Variants in RTTN observed in about 807,000 individuals in gnomAD.
RTTN encodes the protein rotatin.
In RTTN, 182 loss-of-function variants were observed where a neutral mutation model predicts 269.2. That is an observed-to-expected ratio of 0.68 (90% CI 0.60 to 0.76). The LOEUF is 0.76. RTTN is among the 30% of genes least tolerant of loss of function. The pLI is 0.00. For missense variants in RTTN, 2,545 were observed against 2,608.6 expected (o/e 0.98, Z 0.53); for synonymous variants, 1,006 against 963.5 (o/e 1.04, Z -0.82).
chr18:70,159,602 GA>G (rs1760302121), intron 14 of RTTN, among the ~76,000 whole-genome samples: 1 of 152,034 alleles, frequency 6.6e-6, no homozygotes, highest in South Asian at 2.1e-4. Flanking sequence ...GAATGAAACT[GA>G]GACACAAAAA....
At chr18:70,023,499 A>C (rs951369640) in intron 44 of RTTN, among the ~76,000 whole-genome samples, 5 of 152,148 alleles carry the variant, frequency 3.3e-5, no homozygotes, top group Non-Finnish European at 1.5e-5. Context: ...TCTCACTTCA[A>C]GTCTGCTTCT....
chr18:70,079,294 C>T (rs2058504414), intron 32 of RTTN, among the ~76,000 whole-genome samples: 1 of 151,916 alleles, frequency 6.6e-6, no homozygotes, highest in African/African-American at 2.4e-5. Flanking sequence ...AAAAGAAAAC[C>T]GAGTAATCTG....
chr18:70,181,381 T>A lies in RTTN; in HGVS notation c.1306-4536A>T, dbSNP rs574734206. On this transcript the variant is annotated intron_variant, in intron 10 of 48. Coordinates refer to ENST00000640769, the MANE Select transcript of RTTN (RefSeq NM_173630.4). ...CTTGCATCTTGAACCTGACTTAGCA[T>A]GTAAATAGGGAAAAAATAGACCTGA... 3.3e-5 allele frequency among the ~76,000 whole-genome samples: 5 copies of A among 152,306 alleles called. 1 individual carries two copies. In the South Asian group the frequency reaches 1.0e-3, roughly 32 times the overall value.
At chr18:70,188,022 C>T (rs2146074135) in intron 10 of RTTN, 86 bp downstream of exon 10, 3 of 740,364 alleles carry the variant, frequency 4.1e-6, no homozygotes, top group South Asian at 3.3e-5. Flanking sequence ...ATTTTGAACA[C>T]GAATGAGACA....
chr18:70,114,318 ATTATTAT>A lies in RTTN; in HGVS notation c.3683+120_3683+126del, dbSNP rs1010852661. 1.9e-5 allele frequency: 17 copies of A among 904,230 alleles called. No individual in the cohort carries two copies. In the African/African-American group the frequency reaches 2.7e-4, roughly 14 times the overall value. The allele number at this position is 904,230 out of a possible 1,614,324, so 56.0% of individuals were successfully genotyped here. ...AAAAACAAACAGAACACTATAACTGATTATTATTTAAGTATTTGAAAGAAGTATTTCT... is the reference window on the plus strand; with the variant it reads ...AAAAACAAACAGAACACTATAACTGATTAAGTATTTGAAAGAAGTATTTCT... On this transcript the variant is annotated intron_variant, in intron 27 of 48. Coordinates refer to ENST00000640769, the MANE Select transcript of RTTN (RefSeq NM_173630.4).
At chr18:70,051,326 A>C in intron 39 of RTTN, 85 bp downstream of exon 39, 2 of 1,418,296 alleles carry the variant, frequency 1.4e-6, no homozygotes, top group Non-Finnish European at 1.9e-6. Flanking sequence ...ACTTAACTTT[A>C]GTGAATTTAC....
At position 70,139,640 on chromosome 18, in the gene RTTN, G is replaced by GA. The variant is rs1352659695; in HGVS notation, c.2746dup (p.Ser916PhefsTer21). On this transcript the variant is annotated frameshift_variant, in exon 21 of 49. Transcript: ENST00000640769. LOFTEE classifies it high-confidence loss of function. ...CAAAAGAGAAGACTGTTGCGAGAGCGAAACACGCATGACTGGATCACCACA... is the reference window on the plus strand; with the variant it reads ...CAAAAGAGAAGACTGTTGCGAGAGCGAAAACACGCATGACTGGATCACCACA... The GA allele has an allele frequency of 6.2e-7, 1 of 1,613,026 alleles. No homozygotes were observed. The highest frequency in any genetic ancestry group is 1.3e-5 in the African/African-American group (1 of 74,886).
chr18:70,171,358 AG>A lies in RTTN; in HGVS notation c.1477-2292del, dbSNP rs202090519. On this transcript the variant is annotated intron_variant, in intron 11 of 48. Transcript: ENST00000640769. Reference sequence around the variant, plus strand: ...GTTTAAGAGAGTTCTCTCTGACTCTAGTCAGAAAAATAACAGCTGCTGTGAG... The same window carrying A: ...GTTTAAGAGAGTTCTCTCTGACTCTATCAGAAAAATAACAGCTGCTGTGAG... Among the ~76,000 whole-genome samples, 13 of 152,364 alleles carry A rather than the reference AG, an allele frequency of 8.5e-5. No individual in the cohort carries two copies. The East Asian group carries it at 2.3e-3, about 27-fold the overall frequency.
intron 25 of RTTN, 21 bp from the exon 26 acceptor site, chr18:70,121,721 T>C (rs2059743418): frequency 2.6e-6 from 4 of 1,520,666 alleles, no homozygotes; most frequent in Non-Finnish European, 1.8e-6. Flanking sequence ...AAGACAATAA[T>C]CATGGTTTCT....
chr18:70,034,591 C>T (rs985123527), intron 40 of RTTN, among the ~76,000 whole-genome samples: 8 of 152,214 alleles, frequency 5.3e-5, no homozygotes, highest in African/African-American at 1.9e-4. Flanking sequence ...CTACATCATA[C>T]TGAATGGGCA....
At chr18:70,133,986 C>A (rs1302244434) in intron 23 of RTTN, among the ~76,000 whole-genome samples, 1 of 151,970 alleles carries the variant, frequency 6.6e-6, no homozygotes, top group Non-Finnish European at 1.5e-5. Flanking sequence ...CTGGAGAAAC[C>A]ACACCATGTT....
At chr18:70,191,163 C>T (rs1346650245) in intron 8 of RTTN, among the ~76,000 whole-genome samples, 3 of 151,520 alleles carry the variant, frequency 2.0e-5, no homozygotes, top group Non-Finnish European at 4.4e-5. Flanking sequence ...CACTGCACTC[C>T]AGCCTGGGCG....
At chr18:70,010,051 T>C (rs752870760) in intron 46 of RTTN, among the ~76,000 whole-genome samples, 1 of 152,176 alleles carries the variant, frequency 6.6e-6, no homozygotes, top group Non-Finnish European at 1.5e-5. Flanking sequence ...CCTAAATATA[T>C]ATGCACCCAA....
intron 44 of RTTN, among the ~76,000 whole-genome samples, chr18:70,022,688 C>A (rs1434747661): frequency 6.6e-6 from 1 of 152,180 alleles, no homozygotes; most frequent in African/African-American, 2.4e-5. Flanking sequence ...ATCAATACTG[C>A]TAAGTCCAAC....
intron 28 of RTTN, among the ~76,000 whole-genome samples, chr18:70,095,761 G>A (rs532616148): frequency 2.6e-5 from 4 of 151,808 alleles, no homozygotes; most frequent in African/African-American, 4.8e-5. Context: ...TAAATCTGAC[G>A]ATTACATGTC....
chr18:70,108,583 G>A (rs2059383903), intron 28 of RTTN, among the ~76,000 whole-genome samples: 2 of 151,920 alleles, frequency 1.3e-5, no homozygotes, highest in African/African-American at 4.8e-5. Flanking sequence ...TTTTACATGA[G>A]GAAATAGAAT....
intron 3 of RTTN, 80 bp downstream of exon 3, chr18:70,204,006 T>TA (rs966617361): frequency 8.7e-7 from 1 of 1,153,900 alleles, no homozygotes; most frequent in Non-Finnish European, 1.2e-6. Flanking sequence ...AAATCCTTTT[T>TA]AAAAAAATCT....
At chr18:70,151,911 A>G (rs946944536) in intron 14 of RTTN, among the ~76,000 whole-genome samples, 2 of 152,142 alleles carry the variant, frequency 1.3e-5, no homozygotes, top group South Asian at 2.1e-4. Flanking sequence ...ACGAGTCCTC[A>G]CAAGAGTTCG....
intron 46 of RTTN, among the ~76,000 whole-genome samples, chr18:70,015,142 G>A (rs146475284): frequency 0.025 from 3,803 of 151,438 alleles, 73 homozygotes; most frequent in Admixed American, 0.06. Flanking sequence ...GCAGTGGCGC[G>A]ATCTTGGCTC....
Sources: gnomAD v4.1 joint callset for allele counts (sites outside exome capture counted in the v4.1 genomes callset) on GRCh38, gnomAD v4.1.1 for gene constraint, MANE v1.5 for transcripts, NCBI Gene and HGNC (gene_info 2026-07-23, HGNC 2026-07-21) for gene names.